Variants in MIA2 observed in about 807,000 individuals in gnomAD.
MIA2 encodes the protein MIA SH3 domain ER export factor 2.
A neutral mutation model predicts 167.8 loss-of-function variants in MIA2; 127 were observed. The observed-to-expected ratio is 0.76, with a 90% CI of 0.66 to 0.88. MIA2 has a LOEUF of 0.88. Ranked by LOEUF, MIA2 falls within the 40% of genes least tolerant of loss-of-function variation. The probability of loss-of-function intolerance (pLI) is 0.00; values close to 1 mark genes in which losing one functional copy is unlikely to be tolerated. For synonymous variants in MIA2, 552 were observed against 541.9 expected (o/e 1.02, Z -0.26); for missense variants, 1,690 against 1,624.7 (o/e 1.04, Z -0.69).
In MIA2 at chr14:39,236,988, C is replaced by T. The variant is rs1405221877; in HGVS notation, c.182C>T (p.Thr61Ile). Residue 61 changes from threonine (T) to isoleucine (I), a missense_variant, in exon 2 of 29, where the codon ACT (threonine) becomes ATT (isoleucine). Thr to Ile is a moderately conservative substitution (Grantham distance 89). Transcript: ENST00000640607. Reference sequence around the variant, plus strand: ...CCTGACTGCCGATACCTGAACTTCACTAAGGGAGAAGAGATATCTGTTTAT... The same window carrying T: ...CCTGACTGCCGATACCTGAACTTCATTAAGGGAGAAGAGATATCTGTTTAT... ...RGPDCRYLNFTKGEEISVYVK... is the reference protein window; with the variant it reads ...RGPDCRYLNFIKGEEISVYVK... 1 of 1,613,862 alleles carries T rather than the reference C, an allele frequency of 6.2e-7. No individual in the cohort carries two copies. The highest frequency in any genetic ancestry group is 2.2e-5 in the East Asian group (1 of 44,886).
chr14:39,346,120 T>TA, intron 26 of MIA2, 94 bp downstream of exon 26: 1 of 1,047,960 alleles, frequency 9.5e-7, no homozygotes, highest in Non-Finnish European at 1.4e-6. Context: ...TTGCTATCTC[T>TA]AGTAGTTCCT....
chr14:39,337,837 C>T (rs112070824), intron 25 of MIA2, among the ~76,000 whole-genome samples: 4 of 152,238 alleles, frequency 2.6e-5, no homozygotes, highest in Admixed American at 2.0e-4. Context: ...TCAGCCTCAG[C>T]CTCCTGAGTA....
rs183367995 is a variant in MIA2, at chr14:39,247,607, A to G, written c.1033A>G (p.Ile345Val). 13 of 1,613,986 alleles carry G rather than the reference A, an allele frequency of 8.1e-6. No homozygotes were observed. Among genetic ancestry groups the G allele is most frequent in the African/African-American group, 5.3e-5 (4 of 75,064 alleles). The change falls in exon 4 of 29, where the codon ATA becomes GTA. Residue 345 changes from isoleucine to valine, a missense_variant. Transcript: ENST00000640607. ...ACCACTACAAGATTTTCCCAATTCC[A>G]TATCATCTGATAAAGAAGCCACAGT... ...NPPLQDFPNS[I>V]SSDKEATVPC...
intron 23 of MIA2, among the ~76,000 whole-genome samples, chr14:39,379,939 A>C (rs1482592922): frequency 6.6e-6 from 1 of 151,902 alleles, no homozygotes; most frequent in East Asian, 1.9e-4. Flanking sequence ...ACAACAACAA[A>C]AACCCCACCA....
intron 18 of MIA2, 149 bp downstream of exon 18, chr14:39,308,736 C>T (rs2063746432): frequency 1.5e-6 from 1 of 665,090 alleles, no homozygotes; most frequent in Non-Finnish European, 2.3e-6. Context: ...GGTATTTGAT[C>T]TGGAGACACT....
intron 13 of MIA2, among the ~76,000 whole-genome samples, chr14:39,297,121 G>C (rs1193101152): frequency 6.7e-6 from 1 of 148,860 alleles, no homozygotes; most frequent in African/African-American, 2.5e-5. Flanking sequence ...TTGTGACAGA[G>C]TCTCACTTTG....
At chr14:39,302,643 T>C (rs1405005126) in intron 15 of MIA2, among the ~76,000 whole-genome samples, 4 of 152,190 alleles carry the variant, frequency 2.6e-5, no homozygotes, top group Non-Finnish European at 5.9e-5. Flanking sequence ...TTCTTTTGCT[T>C]TTGTCAGAGG....
chr14:39,289,071 G>A (rs868313231), intron 9 of MIA2, among the ~76,000 whole-genome samples: 5 of 150,104 alleles, frequency 3.3e-5, no homozygotes, highest in Middle Eastern at 3.4e-3. Flanking sequence ...TTGAAAATTT[G>A]GTAAAATTCA....
Position 39,252,824 on chromosome 14 carries a change from T to G in MIA2, c.1644T>G (p.Ser548Arg). 1 of 1,613,966 alleles carries G rather than the reference T, an allele frequency of 6.2e-7. No homozygotes were observed. Residue 548 changes from serine to arginine, a missense_variant, in exon 5 of 29, where the codon AGT (serine) becomes AGG (arginine). Physicochemically the swap from Ser to Arg is moderately radical, Grantham distance 110. Coordinates refer to ENST00000640607, the MANE Select transcript of MIA2 (RefSeq NM_001329214.4). ...VYFEPSSSKD[S>R]DENSKPSVDT... Reference sequence around the variant, plus strand: ...TTGAACCCTCATCTTCTAAAGATAGTGATGAAAATTCGAAACCATCAGTAG... The same window carrying G: ...TTGAACCCTCATCTTCTAAAGATAGGGATGAAAATTCGAAACCATCAGTAG...
chr14:39,271,163 A>G (rs948939400), intron 6 of MIA2, among the ~76,000 whole-genome samples: 4 of 152,184 alleles, frequency 2.6e-5, no homozygotes, highest in East Asian at 1.9e-4. Context: ...GTCTAGATTC[A>G]TTCCTTGGCA....
chr14:39,246,802 C>G, intron 3 of MIA2, 109 bp from the exon 4 acceptor site: 1 of 566,792 alleles, frequency 1.8e-6, no homozygotes, highest in Non-Finnish European at 2.9e-6. Flanking sequence ...TGCTGTTGAG[C>G]TAGTCATGTG....
At chr14:39,267,069 G>A in intron 6 of MIA2, 1 of 1,063,950 alleles carries the variant, frequency 9.4e-7, no homozygotes, top group Non-Finnish European at 1.1e-6. Flanking sequence ...AAGAGCAAAC[G>A]ACCCGGACAC....
intron 6 of MIA2, among the ~76,000 whole-genome samples, chr14:39,262,395 A>G (rs2055166296): frequency 6.6e-6 from 1 of 152,214 alleles, no homozygotes; most frequent in Admixed American, 6.5e-5. Context: ...TGGTACCAGT[A>G]CCATGCTGTT....
At chr14:39,254,641 T>C (rs761988924) in intron 6 of MIA2, among the ~76,000 whole-genome samples, 1 of 152,230 alleles carries the variant, frequency 6.6e-6, no homozygotes, top group Non-Finnish European at 1.5e-5. Context: ...AAGGTACTAC[T>C]TGCCTTCAGC....
In MIA2 at chr14:39,248,131, C is replaced by T; in HGVS notation, c.1557C>T (p.Tyr519=). The T allele has an allele frequency of 2.7e-6, 4 of 1,455,692 alleles. No individual in the cohort carries two copies. The highest frequency in any genetic ancestry group is 2.9e-5 in the African/African-American group (2 of 69,966). The allele number at this position is 1,455,692 out of a possible 1,614,324, so 90.2% of individuals were successfully genotyped here. Residue 519 remains tyrosine, a synonymous_variant, in exon 4 of 29, where the codon TAC becomes TAT. Transcript: ENST00000640607. ...AAGTTATGATATTCAAAAGTTCATA[C>T]AGTCTGTCAGGTTGGTATGAAAATA... is the stretch of plus-strand genomic sequence containing the variant. ...NTKVMIFKSS[Y]SLSDMVSNIE...
intron 7 of MIA2, among the ~76,000 whole-genome samples, chr14:39,277,282 T>C (rs2058142011): frequency 6.6e-6 from 1 of 151,762 alleles, no homozygotes; most frequent in Non-Finnish European, 1.5e-5. Flanking sequence ...TCCCAGCACT[T>C]TGGGAGGCCA....
downstream of MIA2, among the ~76,000 whole-genome samples, chr14:39,354,741 G>T (rs1203814882): frequency 2.0e-5 from 3 of 152,260 alleles, no homozygotes; most frequent in East Asian, 5.8e-4. Flanking sequence ...TTTTGTATAA[G>T]GTGTAAGGAA....
intron 3 of MIA2, among the ~76,000 whole-genome samples, chr14:39,246,062 T>G (rs1459509850): frequency 1.4e-5 from 2 of 138,150 alleles, no homozygotes; most frequent in Non-Finnish European, 3.2e-5. Context: ...TTCTCAAACA[T>G]TTCAATTATT....
Position 39,318,015 on chromosome 14 carries a change from A to G in MIA2, c.3284+4A>G. ...AAAATGCTCACAACAGACAAAAGTA[A>G]GTATCTTAGTGGGAACATTTAAAAT... On this transcript the variant is annotated splice_donor_region_variant and intron_variant, in intron 22 of 28. Coordinates refer to ENST00000640607, the MANE Select transcript of MIA2 (RefSeq NM_001329214.4). 6.4e-7 allele frequency: 1 copy of G among 1,563,812 alleles called. No individual in the cohort carries two copies. Among genetic ancestry groups the G allele is most frequent in the Non-Finnish European group, 8.7e-7 (1 of 1,156,004 alleles).
Sources: gnomAD v4.1 joint callset for allele counts (sites outside exome capture counted in the v4.1 genomes callset) on GRCh38, gnomAD v4.1.1 for gene constraint, MANE v1.5 for transcripts, NCBI Gene and HGNC (gene_info 2026-07-23, HGNC 2026-07-21) for gene names.